Variants in KAT7 observed in about 807,000 individuals in gnomAD.
KAT7 encodes the protein lysine acetyltransferase 7.
A neutral mutation model predicts 82.1 loss-of-function variants in KAT7; 10 were observed. The ratio of observed to expected loss-of-function variants is 0.12; its 90% confidence interval spans 0.08 to 0.21. The LOEUF is 0.21. Among genes scored for constraint, KAT7 ranks in the 10% least tolerant of loss-of-function variants. KAT7 has a pLI of 1.00. For missense variants in KAT7, 378 were observed against 760.9 expected (o/e 0.50, Z 5.92); for synonymous variants, 250 against 262.5 (o/e 0.95, Z 0.46).
chr17:49,793,687 C>T (rs1277367886), intron 2 of KAT7, among the ~76,000 whole-genome samples: 3 of 151,378 alleles, frequency 2.0e-5, no homozygotes, highest in Non-Finnish European at 2.9e-5. Flanking sequence ...AATTCTCCTG[C>T]CTCAGCCTGC....
chr17:49,810,455 C>T (rs769210484), intron 6 of KAT7, among the ~76,000 whole-genome samples: 3 of 152,146 alleles, frequency 2.0e-5, no homozygotes, highest in Non-Finnish European at 4.4e-5. Flanking sequence ...CAGGGTTTCA[C>T]CATGTTGGCC....
chr17:49,793,298 C>G (rs1346167653), intron 2 of KAT7, among the ~76,000 whole-genome samples: 1 of 152,134 alleles, frequency 6.6e-6, no homozygotes, highest in East Asian at 1.9e-4. Context: ...ATAGTTGTAC[C>G]AAAATATCAG....
chr17:49,808,596 G>A (rs1357413019), intron 5 of KAT7, among the ~76,000 whole-genome samples: 6 of 151,016 alleles, frequency 4.0e-5, no homozygotes, highest in African/African-American at 7.3e-5. Context: ...GATCACAGGC[G>A]CCTGCCACCA....
rs888855679 is a variant in KAT7, at chr17:49,828,244, A to T, written c.*742A>T. ...GCAGTGTCTTGGTGAAAGGGAACGG[A>T]TACTACTTTTTGCCTCACCGTAAAG... On this transcript the variant is annotated 3_prime_UTR_variant, in exon 15 of 15. Transcript: ENST00000259021. 2.0e-5 allele frequency: 3 copies of T among 152,174 alleles called. No individual in the cohort carries two copies. Among genetic ancestry groups the T allele is most frequent in the Non-Finnish European group, 2.9e-5 (2 of 68,050 alleles). 9.4% of individuals were successfully genotyped at this position (152,174 alleles called of 1,614,324 possible).
chr17:49,809,179 GACA>G lies in KAT7; in HGVS notation c.731_733del (p.Asn244del), dbSNP rs777905284. 1 of 1,613,998 alleles carries G rather than the reference GACA, an allele frequency of 6.2e-7. No individual in the cohort carries two copies. The highest frequency in any genetic ancestry group is 8.5e-7 in the Non-Finnish European group (1 of 1,179,972). Reference sequence around the variant, plus strand: ...AAGGATGCTGTCTCACAGGCAAGATGACAACAACAGGCATGCAACCAGGCACCA... The same window carrying G: ...AAGGATGCTGTCTCACAGGCAAGATGACAACAGGCATGCAACCAGGCACCA... On this transcript the variant is annotated inframe_deletion, in exon 6 of 15. Coordinates refer to ENST00000259021, the MANE Select transcript of KAT7 (RefSeq NM_007067.5).
chr17:49,810,980 C>T (rs1293232632), intron 6 of KAT7, among the ~76,000 whole-genome samples: 2 of 152,062 alleles, frequency 1.3e-5, no homozygotes, highest in Non-Finnish European at 2.9e-5. Flanking sequence ...GCCTAGGTGA[C>T]AGAGCGAGAC....
At chr17:49,825,850 A>G (rs548982916) in intron 12 of KAT7, 150 bp from the exon 13 acceptor site, 16 of 722,430 alleles carry the variant, frequency 2.2e-5, no homozygotes, top group Non-Finnish European at 3.4e-5. Context: ...GCAGTATACT[A>G]TAGTTAACCA....
intron 6 of KAT7, among the ~76,000 whole-genome samples, chr17:49,809,802 T>G (rs1420418298): frequency 6.6e-6 from 1 of 152,238 alleles, no homozygotes; most frequent in Non-Finnish European, 1.5e-5. Context: ...GATGGTATTT[T>G]CTTTCAAGGC....
intron 1 of KAT7, among the ~76,000 whole-genome samples, chr17:49,791,070 G>T (rs911273529): frequency 6.6e-6 from 1 of 152,304 alleles, no homozygotes; most frequent in South Asian, 2.1e-4. Flanking sequence ...TGCCTTTTTG[G>T]AAGATAGATG....
In KAT7 at chr17:49,808,429, TTTTCTTTC is replaced by T. The variant is rs573085643; in HGVS notation, c.664-670_664-663del. ...GGCACTGCATGTGGCCAAGCCCAGG[TTTTCTTTC>T]TTTCTTTCTTTCTTTCTTTTTTTTT... On this transcript the variant is annotated intron_variant, in intron 5 of 14. Transcript: ENST00000259021. 7.5e-5 allele frequency among the ~76,000 whole-genome samples: 11 copies of T among 146,514 alleles called. No homozygotes were observed. In the South Asian group the frequency reaches 8.7e-4, roughly 12 times the overall value.
chr17:49,800,173 G>A (rs1380660109), intron 4 of KAT7, among the ~76,000 whole-genome samples: 1 of 151,850 alleles, frequency 6.6e-6, no homozygotes, highest in East Asian at 1.9e-4. Flanking sequence ...CACCATGCCC[G>A]GCTAATTTTT....
chr17:49,811,455 T>G (rs2074164220), intron 6 of KAT7, 21 bp from the exon 7 acceptor site: 1 of 1,259,612 alleles, frequency 7.9e-7, no homozygotes, highest in Non-Finnish European at 1.1e-6. Flanking sequence ...TTTCTCTCAG[T>G]TTTCTCCTTT....
intron 12 of KAT7, chr17:49,824,430 G>C (rs1051261189): frequency 6.6e-6 from 1 of 152,164 alleles, no homozygotes; most frequent in Non-Finnish European, 1.5e-5. Flanking sequence ...CCCAATGTTG[G>C]CTCACTGCAA....
chr17:49,788,926 C>A, intron 1 of KAT7, 77 bp downstream of exon 1: 2 of 1,377,764 alleles, frequency 1.5e-6, no homozygotes, highest in Non-Finnish European at 2.0e-6. Flanking sequence ...GGCCACGCCT[C>A]ACAGTGCTTG....
Position 49,826,248 on chromosome 17 carries a change from A to G in KAT7, c.1627+102A>G, listed in dbSNP as rs934420506. On this transcript the variant is annotated intron_variant, in intron 13 of 14. Coordinates refer to ENST00000259021, the MANE Select transcript of KAT7 (RefSeq NM_007067.5). ...TGTGAGAACGGAAGGCCCACTGAATATGGACCACTGCGGAGACCCTCACTA... is the reference window on the plus strand; with the variant it reads ...TGTGAGAACGGAAGGCCCACTGAATGTGGACCACTGCGGAGACCCTCACTA... The G allele has an allele frequency of 5.9e-6, 7 of 1,191,606 alleles. No homozygotes were observed. The African/African-American group carries it at 9.1e-5, about 15-fold the overall frequency. 73.8% of individuals were successfully genotyped at this position (1,191,606 alleles called of 1,614,324 possible).
intron 2 of KAT7, among the ~76,000 whole-genome samples, chr17:49,793,316 A>G (rs2073913553): frequency 6.6e-6 from 1 of 152,232 alleles, no homozygotes; most frequent in African/African-American, 2.4e-5. Flanking sequence ...CAGTGTGGAA[A>G]TAATGGAATT....
At chr17:49,808,873 A>G (rs2074126581) in intron 5 of KAT7, among the ~76,000 whole-genome samples, 1 of 152,168 alleles carries the variant, frequency 6.6e-6, no homozygotes, top group Non-Finnish European at 1.5e-5. Context: ...ATCAGACATG[A>G]TTAAAACCTT....
At chr17:49,808,458 T>A (rs2143913349) in intron 5 of KAT7, among the ~76,000 whole-genome samples, 1 of 150,800 alleles carries the variant, frequency 6.6e-6, no homozygotes, top group East Asian at 1.9e-4. Context: ...TCTTTCTTTT[T>A]TTTTTTTTTT....
intron 11 of KAT7, 116 bp downstream of exon 11, chr17:49,821,906 C>T (rs1329316947): frequency 1.8e-5 from 15 of 857,000 alleles, no homozygotes; most frequent in Non-Finnish European, 2.6e-5. Flanking sequence ...TGATGACACC[C>T]CTTCCTTAAA....
Sources: gnomAD v4.1 joint callset for allele counts (sites outside exome capture counted in the v4.1 genomes callset) on GRCh38, gnomAD v4.1.1 for gene constraint, MANE v1.5 for transcripts, NCBI Gene and HGNC (gene_info 2026-07-23, HGNC 2026-07-21) for gene names.